EXOC6B: variants seen among roughly 807,000 people sequenced by gnomAD.
EXOC6B encodes the protein exocyst complex component 6B.
EXOC6B carries 54 observed loss-of-function variants against 113.5 expected under a neutral mutation model. The observed-to-expected ratio is 0.48, with a 90% confidence interval of 0.38 to 0.60. The LOEUF is 0.60. Ranked by LOEUF, EXOC6B falls within the 20% of genes least tolerant of loss-of-function variation. EXOC6B has a pLI of 0.00. For missense variants in EXOC6B, 797 were observed against 977.5 expected (o/e 0.82, Z 2.46); for synonymous variants, 357 against 339.0 (o/e 1.05, Z -0.58).
intron 18 of EXOC6B, among the ~76,000 whole-genome samples, chr2:72,398,727 TACAC>T (rs60055732): frequency 0.1 from 14,342 of 138,878 alleles, 1,843 homozygotes; most frequent in African/African-American, 0.31. Context: ...TCTCTCTGTC[TACAC>T]ACACACACAC....
intron 16 of EXOC6B, among the ~76,000 whole-genome samples, chr2:72,485,772 A>C (rs772295710): frequency 2.6e-4 from 39 of 152,182 alleles, no homozygotes; most frequent in Admixed American, 7.9e-4. Flanking sequence ...ATGGTCAACA[A>C]TCTAAATTAT....
At chr2:72,354,925 A>G (rs1689884335) in intron 19 of EXOC6B, among the ~76,000 whole-genome samples, 1 of 152,214 alleles carries the variant, frequency 6.6e-6, no homozygotes, top group South Asian at 2.1e-4. Flanking sequence ...ACCATTTTAG[A>G]TCTAAGGATC....
intron 12 of EXOC6B, among the ~76,000 whole-genome samples, 198 bp downstream of exon 12, chr2:72,499,703 T>A (rs970945580): frequency 1.3e-5 from 2 of 151,956 alleles, no homozygotes; most frequent in Non-Finnish European, 2.9e-5. Context: ...ATTTTTTATG[T>A]TTTTATTTTT....
At chr2:72,484,961 A>C (rs1699340065) in intron 16 of EXOC6B, among the ~76,000 whole-genome samples, 1 of 152,180 alleles carries the variant, frequency 6.6e-6, no homozygotes, top group Admixed American at 6.5e-5. Context: ...AGAATGATTT[A>C]AATTCCTTTG....
chr2:72,256,882 A>T (rs996095766), intron 20 of EXOC6B, among the ~76,000 whole-genome samples: 2 of 152,192 alleles, frequency 1.3e-5, no homozygotes, highest in Non-Finnish European at 1.5e-5. Flanking sequence ...AAATATTTGC[A>T]TGGATTGAGC....
chr2:72,371,646 T>TA (rs1456795999), intron 19 of EXOC6B, among the ~76,000 whole-genome samples: 3 of 152,062 alleles, frequency 2.0e-5, no homozygotes. Flanking sequence ...CCCTTCATGG[T>TA]AAAAATCCTA....
At chr2:72,258,105 A>C (rs1683465301) in intron 20 of EXOC6B, among the ~76,000 whole-genome samples, 1 of 152,196 alleles carries the variant, frequency 6.6e-6, no homozygotes, top group Admixed American at 6.5e-5. Context: ...CTTTAAAGCT[A>C]AATGGTCCAC....
intron 20 of EXOC6B, among the ~76,000 whole-genome samples, chr2:72,287,067 G>A (rs1235173662): frequency 6.6e-6 from 1 of 151,972 alleles, no homozygotes; most frequent in Non-Finnish European, 1.5e-5. Flanking sequence ...TGCATCTCAA[G>A]AAGTTAAAGG....
rs147897496 is a variant in EXOC6B, at chr2:72,417,117, A to G, written c.1981-37247T>C. ...TTTTTTATCAGTCAGCTTATACTCA[A>G]TTATAATAAAATAACATACAACTCA... On this transcript the variant is annotated intron_variant, in intron 18 of 21. Coordinates refer to ENST00000272427, the MANE Select transcript of EXOC6B (RefSeq NM_015189.3). Among the ~76,000 whole-genome samples, 188 of 152,290 alleles carry G rather than the reference A, an allele frequency of 1.2e-3. 1 individual carries two copies. Among genetic ancestry groups the G allele is most frequent in the African/African-American group, 4.3e-3 (178 of 41,548 alleles).
chr2:72,358,680 T>C lies in EXOC6B; in HGVS notation c.2122+21049A>G, dbSNP rs190660255. Among the ~76,000 whole-genome samples, 57 of 152,324 alleles carry C rather than the reference T, an allele frequency of 3.7e-4. No individual in the cohort carries two copies. In the East Asian group the frequency reaches 9.1e-3, roughly 24 times the overall value. ...ACCTAAGATTTTAATTATTATGTATTATATTGCTGGCATATTAAGAATTGA... is the reference window on the plus strand; with the variant it reads ...ACCTAAGATTTTAATTATTATGTATCATATTGCTGGCATATTAAGAATTGA... On this transcript the variant is annotated intron_variant, in intron 19 of 21. Transcript: ENST00000272427.
chr2:72,238,747 C>T (rs897020186), intron 20 of EXOC6B, among the ~76,000 whole-genome samples: 1 of 152,008 alleles, frequency 6.6e-6, no homozygotes, highest in African/African-American at 2.4e-5. Context: ...TAAAATTATG[C>T]TATCTTTTTA....
At chr2:72,779,474 TATC>T (rs1376749470) in intron 1 of EXOC6B, among the ~76,000 whole-genome samples, 13 of 152,120 alleles carry the variant, frequency 8.5e-5, no homozygotes, top group African/African-American at 3.1e-4. Flanking sequence ...TAAAAAAAAT[TATC>T]AAGCAAATAT....
At chr2:72,540,974 T>A (rs749677791) in intron 8 of EXOC6B, among the ~76,000 whole-genome samples, 10 of 152,206 alleles carry the variant, frequency 6.6e-5, no homozygotes, top group Non-Finnish European at 1.5e-4. Flanking sequence ...CTTTTCTTTA[T>A]CTTTTGTGAC....
intron 6 of EXOC6B, among the ~76,000 whole-genome samples, chr2:72,601,116 G>C (rs1558833329): frequency 8.4e-6 from 1 of 118,560 alleles, no homozygotes; most frequent in Non-Finnish European, 1.7e-5. Flanking sequence ...ATATATATGT[G>C]TGTGTGTATG....
intron 18 of EXOC6B, among the ~76,000 whole-genome samples, chr2:72,408,493 G>C (rs528681871): frequency 6.6e-6 from 1 of 152,296 alleles, no homozygotes; most frequent in African/African-American, 2.4e-5. Context: ...AACCAAAACA[G>C]CATGGTACTG....
chr2:72,687,254 T>A (rs1387808508), intron 6 of EXOC6B, among the ~76,000 whole-genome samples: 3 of 152,242 alleles, frequency 2.0e-5, no homozygotes, highest in Non-Finnish European at 4.4e-5. Context: ...TGAAATATTT[T>A]TCTTCAGATG....
chr2:72,668,445 C>T (rs1377152850), intron 6 of EXOC6B, among the ~76,000 whole-genome samples: 2 of 146,356 alleles, frequency 1.4e-5, no homozygotes, highest in Admixed American at 6.7e-5. Flanking sequence ...AATTGTTCTA[C>T]CAAAAAAAAA....
chr2:72,188,492 T>C (rs1396358540), intron 20 of EXOC6B, among the ~76,000 whole-genome samples: 1 of 152,158 alleles, frequency 6.6e-6, no homozygotes, highest in Non-Finnish European at 1.5e-5. Flanking sequence ...CTGAGACAGA[T>C]GGACAGAGAG....
chr2:72,419,582 T>C (rs960039667), intron 18 of EXOC6B, among the ~76,000 whole-genome samples: 1 of 152,202 alleles, frequency 6.6e-6, no homozygotes, highest in Non-Finnish European at 1.5e-5. Context: ...ATAGAATTCT[T>C]GGTTCACAGT....
Sources: gnomAD v4.1 joint callset for allele counts (sites outside exome capture counted in the v4.1 genomes callset) on GRCh38, gnomAD v4.1.1 for gene constraint, MANE v1.5 for transcripts, NCBI Gene and HGNC (gene_info 2026-07-23, HGNC 2026-07-21) for gene names.